Variants in PTPRB observed in about 807,000 individuals in gnomAD.
PTPRB encodes the protein protein tyrosine phosphatase receptor type B, also known as receptor-type tyrosine-protein phosphatase beta.
A neutral mutation model predicts 238.1 loss-of-function variants in PTPRB; 97 were observed. The observed-to-expected ratio is 0.41, with a 90% CI of 0.35 to 0.48. The LOEUF (loss-of-function observed/expected upper bound fraction) is 0.48, where lower values mean the gene tolerates loss of function less well. Among genes scored for constraint, PTPRB ranks in the 20% least tolerant of loss-of-function variants. PTPRB has a pLI of 0.30. For missense variants in PTPRB, 2,292 were observed against 2,681.9 expected (o/e 0.85, Z 3.21); for synonymous variants, 970 against 995.4 (o/e 0.97, Z 0.48).
At chr12:70,546,667 A>G (rs1876013225) in intron 21 of PTPRB, among the ~76,000 whole-genome samples, 1 of 152,184 alleles carries the variant, frequency 6.6e-6, no homozygotes, top group Non-Finnish European at 1.5e-5. Context: ...CTGAATTTAT[A>G]AGGAAGGAGG....
intron 6 of PTPRB, among the ~76,000 whole-genome samples, chr12:70,593,542 A>T (rs915937471): frequency 6.9e-6 from 1 of 145,872 alleles, no homozygotes; most frequent in Non-Finnish European, 1.5e-5. Context: ...AAAAAAAAAG[A>T]ATGGGCACAG....
At chr12:70,541,825 A>G (rs909624997) in intron 22 of PTPRB, 10 of 152,196 alleles carry the variant, frequency 6.6e-5, no homozygotes, top group Non-Finnish European at 8.8e-5. Context: ...ATAATCGTCC[A>G]TTGTATGGAT....
chr12:70,636,150 TAAATAAA>T, intron 1 of PTPRB, 84 bp from the exon 2 acceptor site: 1 of 1,288,650 alleles, frequency 7.8e-7, no homozygotes, highest in East Asian at 2.5e-5. Flanking sequence ...ACAAATGAGC[TAAATAAA>T]ATCACTAGTT....
At chr12:70,538,510 G>A in intron 27 of PTPRB, 1 of 462,984 alleles carries the variant, frequency 2.2e-6, no homozygotes, top group Non-Finnish European at 3.8e-6. Flanking sequence ...CCCTTTCACT[G>A]CTGGAATGAA....
chr12:70,563,738 T>C (rs1215736941), intron 15 of PTPRB, among the ~76,000 whole-genome samples: 3 of 152,182 alleles, frequency 2.0e-5, no homozygotes, highest in Non-Finnish European at 4.4e-5. Context: ...AGCTGAACTC[T>C]GGAGTTTTGC....
chr12:70,531,466 A>G (rs1873232953), intron 32 of PTPRB, among the ~76,000 whole-genome samples: 2 of 152,198 alleles, frequency 1.3e-5, no homozygotes, highest in South Asian at 4.1e-4. Context: ...GTACGCTTAT[A>G]GCACAATCAA....
chr12:70,606,404 G>A (rs1883946054), intron 4 of PTPRB, among the ~76,000 whole-genome samples: 1 of 152,072 alleles, frequency 6.6e-6, no homozygotes, highest in Non-Finnish European at 1.5e-5. Context: ...GTGTCTATAT[G>A]ACATGAAAAT....
chr12:70,516,693 G>C lies in PTPRB; in HGVS notation c.*4796C>G, dbSNP rs535671864. The C allele has an allele frequency of 2.0e-5, 3 of 152,176 alleles. No homozygotes were observed. The highest frequency in any genetic ancestry group is 2.0e-4 in the Admixed American group (3 of 15,274). The allele number at this position is 152,176 out of a possible 1,614,324, so 9.4% of individuals were successfully genotyped here. ...GCTATAACCAATTCTTTTTGTGACT[G>C]TTCTAGAAGGGACACATTGCATTTG... On this transcript the variant is annotated 3_prime_UTR_variant, in exon 34 of 34. Coordinates refer to ENST00000334414, the MANE Select transcript of PTPRB (RefSeq NM_001109754.4).
At chr12:70,607,604 T>G (rs2136534263) in intron 4 of PTPRB, among the ~76,000 whole-genome samples, 1 of 151,082 alleles carries the variant, frequency 6.6e-6, no homozygotes, top group East Asian at 1.9e-4. Context: ...TGGAGTGCAG[T>G]GGCACAATCT....
At chr12:70,523,250 G>C (rs1326681849) in intron 33 of PTPRB, among the ~76,000 whole-genome samples, 4 of 152,146 alleles carry the variant, frequency 2.6e-5, no homozygotes, top group African/African-American at 9.6e-5. Context: ...CAACTCCTGG[G>C]CTCAAGTGAT....
chr12:70,524,823 G>A (rs1430767765), intron 32 of PTPRB, among the ~76,000 whole-genome samples: 1 of 151,644 alleles, frequency 6.6e-6, no homozygotes, highest in African/African-American at 2.4e-5. Context: ...ATATATATAT[G>A]TGTGTGTGCA....
rs1871248152 is a variant in PTPRB, at chr12:70,517,018, T to C, written c.*4471A>G. ...AGAAATACTTCTATTGCTAGAAACA[T>C]TTTTAGAACAGAACAGATTTTTCCT... On this transcript the variant is annotated 3_prime_UTR_variant, in exon 34 of 34. Coordinates refer to ENST00000334414, the MANE Select transcript of PTPRB (RefSeq NM_001109754.4). The C allele has an allele frequency of 6.6e-6, 1 of 152,196 alleles. No individual in the cohort carries two copies. The highest frequency in any genetic ancestry group is 6.5e-5 in the Admixed American group (1 of 15,278). 9.4% of individuals were successfully genotyped at this position (152,196 alleles called of 1,614,324 possible).
chr12:70,535,974 A>T, intron 29 of PTPRB, 51 bp downstream of exon 29: 11 of 1,605,130 alleles, frequency 6.9e-6, no homozygotes, highest in Non-Finnish European at 9.4e-6. Context: ...GCAGAATTCT[A>T]TCCAGGTGGC....
chr12:70,547,563 C>T (rs1344855863), intron 21 of PTPRB, among the ~76,000 whole-genome samples: 6 of 143,646 alleles, frequency 4.2e-5, no homozygotes, highest in African/African-American at 1.3e-4. Flanking sequence ...CTTGCTCTGT[C>T]ACCAGGTTGG....
At chr12:70,608,319 G>C (rs1884133625) in intron 4 of PTPRB, among the ~76,000 whole-genome samples, 1 of 152,178 alleles carries the variant, frequency 6.6e-6, no homozygotes, top group Non-Finnish European at 1.5e-5. Context: ...GATTAAATGA[G>C]GTAATGTACA....
At chr12:70,610,207 G>C (rs1055307498) in intron 3 of PTPRB, among the ~76,000 whole-genome samples, 19 of 152,298 alleles carry the variant, frequency 1.2e-4, no homozygotes, top group African/African-American at 3.6e-4. Context: ...CAAGGGGCCC[G>C]ATGTGGGCCA....
At position 70,539,693 on chromosome 12, in the gene PTPRB, T is replaced by A. The variant is rs763702853; in HGVS notation, c.5710A>T (p.Asn1904Tyr). The A allele has an allele frequency of 5.6e-5, 90 of 1,600,086 alleles. No individual in the cohort carries two copies. Among genetic ancestry groups the A allele is most frequent in the Non-Finnish European group, 7.3e-5 (85 of 1,171,058 alleles). ...NRKTSCPIKI[N>Y]QFEGHFMKLQ... ...TTCATGAAATGCCCTTCAAACTGAT[T>A]TATTTTTATTGGACTGTAATTAAAA... The change falls in exon 26 of 34, where the codon AAT (asparagine) becomes TAT (tyrosine). Residue 1904 changes from asparagine to tyrosine, a missense_variant. Transcript: ENST00000334414.
intron 2 of PTPRB, 76 bp from the exon 3 acceptor site, chr12:70,622,722 A>G: frequency 6.9e-7 from 1 of 1,453,226 alleles, no homozygotes; most frequent in Non-Finnish European, 9.1e-7. Flanking sequence ...AATTTTACTT[A>G]GCAAAAGAGG....
chr12:70,596,333 A>G lies in PTPRB; in HGVS notation c.980-6T>C. The G allele has an allele frequency of 6.7e-7, 1 of 1,487,350 alleles. No individual in the cohort carries two copies. The highest frequency in any genetic ancestry group is 1.4e-5 in the South Asian group (1 of 72,094). 92.1% of individuals were successfully genotyped at this position (1,487,350 alleles called of 1,614,324 possible). ...CCTAGCAGGAGGTAAAGGATCTGCA[A>G]GGCAAATACACACACACACACAAAA... On this transcript the variant is annotated splice_polypyrimidine_tract_variant and splice_region_variant and intron_variant, in intron 4 of 33. Coordinates refer to ENST00000334414, the MANE Select transcript of PTPRB (RefSeq NM_001109754.4).
Sources: gnomAD v4.1 joint callset for allele counts (sites outside exome capture counted in the v4.1 genomes callset) on GRCh38, gnomAD v4.1.1 for gene constraint, MANE v1.5 for transcripts, NCBI Gene and HGNC (gene_info 2026-07-23, HGNC 2026-07-21) for gene names.